Variants in INTU observed in about 807,000 individuals in gnomAD.
The protein encoded by INTU is protein inturned.
Under a neutral mutation model 100.5 loss-of-function variants are expected in INTU, and 68 were observed. The observed-to-expected ratio is 0.68, with a 90% CI of 0.56 to 0.83. INTU has a LOEUF of 0.83. INTU is among the 40% of genes least tolerant of loss of function. INTU has a pLI of 0.00. For synonymous variants in INTU, 357 were observed against 395.7 expected, an observed-to-expected ratio of 0.90 and a Z score of 1.16; for missense variants, 1,071 against 1,114.7, an observed-to-expected ratio of 0.96 and a Z score of 0.56.
chr4:127,699,494 C>T (rs1185394692), intron 8 of INTU: 1 of 152,058 alleles, frequency 6.6e-6, no homozygotes, highest in Non-Finnish European at 1.5e-5. Flanking sequence ...GAATGCAAAA[C>T]GTTGTGTCCA....
intron 4 of INTU, among the ~76,000 whole-genome samples, chr4:127,665,964 T>C (rs1010263511): frequency 5.9e-5 from 9 of 152,096 alleles, no homozygotes; most frequent in Non-Finnish European, 1.2e-4. Context: ...TCTAATCTAT[T>C]TGAAGATAGT....
At chr4:127,667,255 G>C (rs1410453876) in intron 4 of INTU, among the ~76,000 whole-genome samples, 3 of 152,108 alleles carry the variant, frequency 2.0e-5, no homozygotes, top group Non-Finnish European at 2.9e-5. Flanking sequence ...TGCCAGCCCT[G>C]TATCAACATT....
chr4:127,726,015 TATGCAA>T lies in INTU; in HGVS notation c.*9583_*9588del, dbSNP rs2148747961. On this transcript the variant is annotated 3_prime_UTR_variant, in exon 16 of 16. Transcript: ENST00000335251. ...ACGTTGTTAAATTGGATTTTATTAGTATGCAAATGTTCCCTTCCACCAACAACTATT... is the reference window on the plus strand; with the variant it reads ...ACGTTGTTAAATTGGATTTTATTAGTATGTTCCCTTCCACCAACAACTATT... 1 of 152,320 alleles carries T rather than the reference TATGCAA, an allele frequency of 6.6e-6. No individual in the cohort carries two copies. The highest frequency in any genetic ancestry group is 6.5e-5 in the Admixed American group (1 of 15,298). The allele number at this position is 152,320 out of a possible 1,614,324, so 9.4% of individuals were successfully genotyped here. A position where few individuals can be genotyped will look rare whatever the true frequency, so the allele number is the denominator to read the frequency against.
chr4:127,711,967 AT>A (rs1560621744), intron 14 of INTU, among the ~76,000 whole-genome samples: 1 of 152,336 alleles, frequency 6.6e-6, no homozygotes, highest in East Asian at 1.9e-4. Flanking sequence ...ACAATATCAG[AT>A]TATTTAAATG....
chr4:127,708,113 A>C (rs946547076), intron 12 of INTU, among the ~76,000 whole-genome samples: 3 of 152,324 alleles, frequency 2.0e-5, no homozygotes, highest in African/African-American at 7.2e-5. Context: ...TAGTCTAAAA[A>C]GATTTGGACA....
rs764462831 is a variant in INTU, at chr4:127,633,231, T to C, written c.146+51T>C. On this transcript the variant is annotated intron_variant, in intron 1 of 15. Transcript: ENST00000335251. Reference sequence around the variant, plus strand: ...AATCCCATCCCATCAATCCAGAGAATATACACGTGGGCTGGGGGAACTGCA... The same window carrying C: ...AATCCCATCCCATCAATCCAGAGAACATACACGTGGGCTGGGGGAACTGCA... 1.6e-5 allele frequency: 26 copies of C among 1,577,106 alleles called. No individual in the cohort carries two copies. In the East Asian group the frequency reaches 3.2e-4, roughly 19 times the overall value.
intron 8 of INTU, among the ~76,000 whole-genome samples, chr4:127,691,819 C>G (rs1730142564): frequency 6.6e-6 from 1 of 151,718 alleles, no homozygotes; most frequent in Admixed American, 6.6e-5. Flanking sequence ...GCTTAGCTCC[C>G]ACCTATGAGT....
At chr4:127,677,217 T>C (rs1308359487) in intron 6 of INTU, among the ~76,000 whole-genome samples, 2 of 152,192 alleles carry the variant, frequency 1.3e-5, no homozygotes, top group African/African-American at 4.8e-5. Flanking sequence ...CAGACTTAAA[T>C]GTCCATGTCT....
chr4:127,637,609 T>C (rs1353165955), intron 1 of INTU, among the ~76,000 whole-genome samples: 3 of 152,210 alleles, frequency 2.0e-5, no homozygotes, highest in Admixed American at 6.5e-5. Flanking sequence ...TATCTCTCCA[T>C]CCTGTACTCT....
At chr4:127,710,812 G>A (rs1396197546) in intron 13 of INTU, 101 bp from the exon 14 acceptor site, 1 of 628,202 alleles carries the variant, frequency 1.6e-6, no homozygotes, top group East Asian at 2.9e-5. Context: ...TTATATTGTA[G>A]ATAAAAGCTT....
At chr4:127,694,053 C>T (rs1428524023) in intron 8 of INTU, among the ~76,000 whole-genome samples, 1 of 152,054 alleles carries the variant, frequency 6.6e-6, no homozygotes, top group African/African-American at 2.4e-5. Flanking sequence ...ATGTCCCTCC[C>T]TGGTTTGGGT....
chr4:127,698,229 G>A (rs957081340), intron 8 of INTU, among the ~76,000 whole-genome samples: 10 of 152,252 alleles, frequency 6.6e-5, no homozygotes, highest in Middle Eastern at 3.4e-3. Flanking sequence ...TTGGGAGGCC[G>A]AGGTGGGAGG....
At chr4:127,683,003 T>A (rs1042763728) in intron 6 of INTU, among the ~76,000 whole-genome samples, 2 of 152,140 alleles carry the variant, frequency 1.3e-5, no homozygotes, top group Admixed American at 6.5e-5. Context: ...TCAACCACAC[T>A]CTGATGACAC....
At chr4:127,684,554 G>T in intron 7 of INTU, 68 bp downstream of exon 7, 1 of 920,884 alleles carries the variant, frequency 1.1e-6, no homozygotes, top group South Asian at 1.5e-5. Flanking sequence ...CTGCATTTAA[G>T]ACCATTTCTT....
At chr4:127,650,716 AG>A (rs1384794563) in intron 2 of INTU, among the ~76,000 whole-genome samples, 2 of 151,664 alleles carry the variant, frequency 1.3e-5, no homozygotes, top group Non-Finnish European at 2.9e-5. Context: ...CATGATTTAT[AG>A]TCCTTTGGGT....
intron 1 of INTU, among the ~76,000 whole-genome samples, chr4:127,640,542 C>A (rs72624506): frequency 3.7e-5 from 2 of 53,638 alleles, no homozygotes; most frequent in African/African-American, 1.8e-4. Flanking sequence ...GGTAAAGATA[C>A]ATATATATAT....
At chr4:127,714,367 T>C (rs1731192812) in intron 15 of INTU, among the ~76,000 whole-genome samples, 1 of 151,958 alleles carries the variant, frequency 6.6e-6, no homozygotes. Flanking sequence ...CCTTCATTTT[T>C]CCCCCTCTCT....
At chr4:127,641,087 C>T (rs558756725) in intron 1 of INTU, among the ~76,000 whole-genome samples, 51 of 151,996 alleles carry the variant, frequency 3.4e-4, no homozygotes, top group Non-Finnish European at 5.1e-4. Context: ...CATATTTTTC[C>T]TACTTTCCAT....
At chr4:127,662,318 T>G (rs1728511164) in intron 3 of INTU, among the ~76,000 whole-genome samples, 1 of 152,180 alleles carries the variant, frequency 6.6e-6, no homozygotes, top group Non-Finnish European at 1.5e-5. Flanking sequence ...TTGTTGCATT[T>G]GCTTTTGGAG....
Sources: gnomAD v4.1 joint callset for allele counts (sites outside exome capture counted in the v4.1 genomes callset) on GRCh38, gnomAD v4.1.1 for gene constraint, MANE v1.5 for transcripts, NCBI Gene and HGNC (gene_info 2026-07-23, HGNC 2026-07-21) for gene names.